The following DSTYK variants were observed in gnomAD, a reference collection of about 807,000 sequenced individuals.
The protein encoded by DSTYK is dual serine/threonine and tyrosine protein kinase, also known as RIP-homologous kinase.
In DSTYK, 34 loss-of-function variants were observed where a neutral mutation model predicts 98.7. That is an observed-to-expected ratio of 0.34 (90% CI 0.26 to 0.46). DSTYK has a LOEUF of 0.46. DSTYK is among the 20% of genes least tolerant of loss of function. The pLI, the probability that DSTYK is intolerant of heterozygous loss-of-function variation, is 1.00. For missense variants in DSTYK, 962 were observed against 1,181.7 expected (o/e 0.81, Z 2.73); for synonymous variants, 462 against 457.3 (o/e 1.01, Z -0.13).
At chr1:205,205,143 G>C (rs191803923) in intron 1 of DSTYK, among the ~76,000 whole-genome samples, 1 of 152,098 alleles carries the variant, frequency 6.6e-6, no homozygotes, top group East Asian at 1.9e-4. Flanking sequence ...CAAAACTACA[G>C]CACTATCTTT....
rs554175103 is a variant in DSTYK, at chr1:205,157,440, C to T, written c.2239-54G>A. 9.2e-6 allele frequency: 13 copies of T among 1,418,500 alleles called. No individual in the cohort carries two copies. The South Asian group carries it at 1.5e-4, about 16-fold the overall frequency. The allele number at this position is 1,418,500 out of a possible 1,614,324, so 87.9% of individuals were successfully genotyped here. On this transcript the variant is annotated intron_variant, in intron 9 of 12. Transcript: ENST00000367162. ...ATGATAAGGCAACTCCTCAATTCAA[C>T]TGACTATACTAGGGCACATGAGGAC...
chr1:205,173,159 TG>T (rs1361764726), intron 2 of DSTYK: 2 of 151,910 alleles, frequency 1.3e-5, no homozygotes, highest in African/African-American at 4.8e-5. Flanking sequence ...TTTGGGAGGC[TG>T]GGGTGGGCAG....
At position 205,192,269 on chromosome 1, in the gene DSTYK, C is replaced by T. The variant is rs148752235; in HGVS notation, c.266-4463G>A. ...GAAATGGACCAGGCATGGTGGCTCACGCCTATAATCCCAGGACTTTGGGAG... is the reference window on the plus strand; with the variant it reads ...GAAATGGACCAGGCATGGTGGCTCATGCCTATAATCCCAGGACTTTGGGAG... On this transcript the variant is annotated intron_variant, in intron 1 of 12. Coordinates refer to ENST00000367162, the MANE Select transcript of DSTYK (RefSeq NM_015375.3). Among the ~76,000 whole-genome samples the T allele has an allele frequency of 1.2e-3, 182 of 152,284 alleles. 2 individuals carry two copies. The highest frequency in any genetic ancestry group is 3.5e-3 in the African/African-American group (147 of 41,548).
intron 10 of DSTYK, among the ~76,000 whole-genome samples, chr1:205,154,641 T>C (rs1319741524): frequency 6.6e-6 from 1 of 152,138 alleles, no homozygotes; most frequent in Non-Finnish European, 1.5e-5. Context: ...GCTGCTGCTG[T>C]AAGGATACAT....
intron 1 of DSTYK, chr1:205,202,113 AGAAGG>A: frequency 2.9e-6 from 1 of 341,012 alleles, no homozygotes; most frequent in South Asian, 1.8e-5. Context: ...GGGGGAAGGG[AGAAGG>A]GGAAGGGAAG....
intron 2 of DSTYK, among the ~76,000 whole-genome samples, chr1:205,179,387 G>A (rs1269274912): frequency 2.6e-5 from 4 of 152,104 alleles, no homozygotes; most frequent in East Asian, 3.9e-4. Context: ...TTGGGAGGCC[G>A]ATGTGGGTGG....
rs987670516 is a variant in DSTYK at position 205,144,771 on chromosome 1, C to G, written c.*2787G>C. On this transcript the variant is annotated 3_prime_UTR_variant, in exon 13 of 13. Coordinates refer to ENST00000367162, the MANE Select transcript of DSTYK (RefSeq NM_015375.3). ...ATCTCCTTACTTATATCAGTCCCTC[C>G]CTTCCACCCTCCCCACTGGGGAAAA... The G allele has an allele frequency of 1.3e-5, 2 of 152,164 alleles. No homozygotes were observed. The highest frequency in any genetic ancestry group is 2.9e-5 in the Non-Finnish European group (2 of 68,046). The allele number at this position is 152,164 out of a possible 1,614,324, so 9.4% of individuals were successfully genotyped here. A position where few individuals can be genotyped will look rare whatever the true frequency, so the allele number is the denominator to read the frequency against.
chr1:205,167,221 A>G (rs1657914336), intron 3 of DSTYK, among the ~76,000 whole-genome samples: 1 of 151,904 alleles, frequency 6.6e-6, no homozygotes, highest in South Asian at 2.1e-4. Flanking sequence ...AACATGGTGA[A>G]ACCCCTGTCT....
chr1:205,198,348 C>T (rs1658928888), intron 1 of DSTYK, among the ~76,000 whole-genome samples: 1 of 152,164 alleles, frequency 6.6e-6, no homozygotes, highest in Non-Finnish European at 1.5e-5. Flanking sequence ...AACCACTTTT[C>T]CAAGTTAAAG....
chr1:205,163,241 CAG>C (rs1261390141), intron 4 of DSTYK, among the ~76,000 whole-genome samples: 2 of 150,492 alleles, frequency 1.3e-5, no homozygotes, highest in African/African-American at 2.4e-5. Flanking sequence ...ATTTTTTAGA[CAG>C]AGTTTCACTC....
Position 205,156,480 on chromosome 1 carries a change from G to C in DSTYK, c.2352+793C>G, listed in dbSNP as rs116891516. On this transcript the variant is annotated intron_variant, in intron 10 of 12. Coordinates refer to ENST00000367162, the MANE Select transcript of DSTYK (RefSeq NM_015375.3). ...CAAAGAAGATGATTTTGGAACTGCA[G>C]GGTTTAATGACTGCCCTATTGGATT... Among the ~76,000 whole-genome samples the C allele has an allele frequency of 7.3e-3, 1,111 of 152,270 alleles. 39 individuals are homozygous for C. The East Asian group carries it at 0.076, about 10-fold the overall frequency.
chr1:205,184,403 C>A (rs1658507646), intron 2 of DSTYK, among the ~76,000 whole-genome samples: 1 of 151,958 alleles, frequency 6.6e-6, no homozygotes, highest in South Asian at 2.1e-4. Flanking sequence ...GAAACTCCAT[C>A]TCTACTAAAA....
chr1:205,159,875 A>C, intron 8 of DSTYK, 196 bp from the exon 9 acceptor site: 2 of 796,558 alleles, frequency 2.5e-6, no homozygotes, highest in Non-Finnish European at 3.9e-6. Context: ...GGATTCTAAA[A>C]ACTGATAAGG....
chr1:205,210,391 ATATC>A (rs1659336383), intron 1 of DSTYK, among the ~76,000 whole-genome samples: 1 of 151,840 alleles, frequency 6.6e-6, no homozygotes, highest in African/African-American at 2.4e-5. Flanking sequence ...TGTCCCCAAG[ATATC>A]TATCTACGTG....
intron 3 of DSTYK, among the ~76,000 whole-genome samples, chr1:205,165,074 G>A (rs981895751): frequency 3.3e-5 from 5 of 152,036 alleles, no homozygotes; most frequent in Admixed American, 2.0e-4. Flanking sequence ...CAAGAGTCAG[G>A]AATTGTATTC....
At position 205,211,575 on chromosome 1, in the gene DSTYK, C is replaced by T; in HGVS notation, c.-40G>A. The T allele has an allele frequency of 7.1e-7, 1 of 1,413,958 alleles. No homozygotes were observed. Among genetic ancestry groups the T allele is most frequent in the East Asian group, 2.9e-5 (1 of 34,860 alleles). The allele number at this position is 1,413,958 out of a possible 1,614,324, so 87.6% of individuals were successfully genotyped here. ...CTGTCTTTGCGGCTCGGTCCCCGGC[C>T]GCAGGCCCGGCCTCCCTCCTCCCCG... On this transcript the variant is annotated 5_prime_UTR_variant, in exon 1 of 13. Coordinates refer to ENST00000367162, the MANE Select transcript of DSTYK (RefSeq NM_015375.3).
rs150612399 is a variant in DSTYK at position 205,187,574 on chromosome 1, C to T, written c.498G>A (p.Ala166=). 64 of 1,613,992 alleles carry T rather than the reference C, an allele frequency of 4.0e-5. No individual in the cohort carries two copies. In the Middle Eastern group the frequency reaches 8.2e-4, roughly 21 times the overall value. ...TYGTQTRVSL[A]LPGQYELVHT... The stretch of plus-strand genomic sequence containing the variant: ...GCACTAGTTCATACTGTCCAGGGAG[C>T]GCCAGGCTGACCCGAGTCTGAGTCC... Residue 166 remains alanine, a synonymous_variant, in exon 2 of 13, where the codon GCG becomes GCA. Transcript: ENST00000367162.
chr1:205,171,454 T>G (rs940941223), intron 2 of DSTYK, among the ~76,000 whole-genome samples: 1 of 115,192 alleles, frequency 8.7e-6, no homozygotes, highest in Admixed American at 9.1e-5. Context: ...CTGTCTCAAT[T>G]AAAAAAAAAA....
At chr1:205,201,862 C>T (rs1659050934) in intron 1 of DSTYK, among the ~76,000 whole-genome samples, 1 of 152,090 alleles carries the variant, frequency 6.6e-6, no homozygotes, top group Non-Finnish European at 1.5e-5. Flanking sequence ...GAATTCGAGA[C>T]CAGCCTGACC....
Sources: allele counts gnomAD v4.1 joint callset (sites outside exome capture counted in the v4.1 genomes callset), GRCh38; gene constraint gnomAD v4.1.1; transcripts MANE v1.5; gene names NCBI Gene and HGNC (gene_info 2026-07-23, HGNC 2026-07-21).